Variants in CDK14 observed in about 807,000 individuals in gnomAD.
The protein encoded by CDK14 is cyclin dependent kinase 14.
A neutral mutation model predicts 60.7 loss-of-function variants in CDK14; 34 were observed. That is an observed-to-expected ratio of 0.56 (90% CI 0.43 to 0.75). CDK14 has a LOEUF of 0.75. Among genes scored for constraint, CDK14 ranks in the 30% least tolerant of loss-of-function variants. The pLI is 0.00. For synonymous variants in CDK14, 197 were observed against 203.7 expected, an observed-to-expected ratio of 0.97 and a Z score of 0.28; for missense variants, 482 against 564.1, an observed-to-expected ratio of 0.85 and a Z score of 1.47.
In CDK14 at chr7:91,138,636, G is replaced by A. The variant is rs572439377; in HGVS notation, c.*28+20428G>A. 2.6e-5 allele frequency among the ~76,000 whole-genome samples: 4 copies of A among 152,056 alleles called. No homozygotes were observed. In the East Asian group the frequency reaches 5.8e-4, roughly 22 times the overall value. On this transcript the variant is annotated intron_variant, in intron 14 of 14. Coordinates refer to ENST00000380050, the MANE Select transcript of CDK14 (RefSeq NM_001287135.2). ...ATTTTTATTATTGTTCTTTTAAGTG[G>A]GGTAGAATTTTTTTATGTTGGTGAT...
chr7:91,102,629 A>C (rs1293006301), intron 12 of CDK14, among the ~76,000 whole-genome samples: 1 of 150,834 alleles, frequency 6.6e-6, no homozygotes, highest in Non-Finnish European at 1.5e-5. Context: ...AAAAAAAAAA[A>C]CCCTAAATCA....
At chr7:90,701,410 A>G (rs1366388167) in intron 2 of CDK14, among the ~76,000 whole-genome samples, 1 of 152,208 alleles carries the variant, frequency 6.6e-6, no homozygotes, top group Non-Finnish European at 1.5e-5. Flanking sequence ...TCTATAAATT[A>G]TAAGAATAAA....
chr7:90,756,554 A>T (rs1198699988), intron 4 of CDK14, among the ~76,000 whole-genome samples: 1 of 152,128 alleles, frequency 6.6e-6, no homozygotes, highest in Non-Finnish European at 1.5e-5. Context: ...CCAGGTGGAG[A>T]GGAAAGCCAT....
intron 2 of CDK14, among the ~76,000 whole-genome samples, chr7:90,717,522 G>C (rs1483302189): frequency 6.6e-6 from 1 of 152,024 alleles, no homozygotes; most frequent in Non-Finnish European, 1.5e-5. Context: ...CACTAGCTGA[G>C]GAATTCAGGA....
intron 8 of CDK14, among the ~76,000 whole-genome samples, chr7:90,952,587 AC>A (rs1794295515): frequency 6.6e-6 from 1 of 152,148 alleles, no homozygotes; most frequent in Non-Finnish European, 1.5e-5. Context: ...TCGGAATTGT[AC>A]CCCTTCATGA....
At chr7:90,717,548 G>A (rs1018575762) in intron 2 of CDK14, among the ~76,000 whole-genome samples, 19 of 152,034 alleles carry the variant, frequency 1.2e-4, no homozygotes, top group Non-Finnish European at 2.4e-4. Flanking sequence ...GTGAAATTGG[G>A]TCAGATGCCA....
chr7:90,644,398 A>T (rs1382448697), intron 2 of CDK14, among the ~76,000 whole-genome samples: 2 of 152,178 alleles, frequency 1.3e-5, no homozygotes, highest in African/African-American at 2.4e-5. Context: ...CGTTTTCCTG[A>T]TGGGTAATCT....
intron 10 of CDK14, among the ~76,000 whole-genome samples, chr7:91,036,574 TCCTC>T (rs577396330): frequency 1.0e-3 from 157 of 152,230 alleles, no homozygotes; most frequent in Non-Finnish European, 2.0e-3. Flanking sequence ...CAAGCCCTCT[TCCTC>T]CTCCTCAGCC....
chr7:90,940,801 ATATC>A (rs1793903013), intron 8 of CDK14, among the ~76,000 whole-genome samples: 1 of 152,050 alleles, frequency 6.6e-6, no homozygotes, highest in Non-Finnish European at 1.5e-5. Flanking sequence ...AAAAAAGTGT[ATATC>A]TATCTATATC....
intron 2 of CDK14, among the ~76,000 whole-genome samples, chr7:90,697,166 G>A (rs1343357433): frequency 6.6e-6 from 1 of 152,188 alleles, no homozygotes; most frequent in East Asian, 1.9e-4. Flanking sequence ...GCAGCTGAGA[G>A]CGGTTCAGAA....
chr7:91,133,383 G>A (rs904434839), intron 14 of CDK14, among the ~76,000 whole-genome samples: 1 of 151,928 alleles, frequency 6.6e-6, no homozygotes, highest in African/African-American at 2.4e-5. Context: ...AATTTTCAGG[G>A]ATAATTATGA....
intron 8 of CDK14, among the ~76,000 whole-genome samples, chr7:90,949,386 G>A (rs1317867120): frequency 6.6e-6 from 1 of 151,968 alleles, no homozygotes; most frequent in Non-Finnish European, 1.5e-5. Flanking sequence ...ATTTTTAGTA[G>A]AGATGGGGTT....
chr7:90,692,387 A>G (rs759888646), intron 2 of CDK14, among the ~76,000 whole-genome samples: 63 of 152,294 alleles, frequency 4.1e-4, no homozygotes, highest in Non-Finnish European at 7.8e-4. Context: ...CAGTTGCCCA[A>G]ATATTTTTGA....
At chr7:91,133,300 A>G (rs1445606476) in intron 14 of CDK14, among the ~76,000 whole-genome samples, 1 of 152,130 alleles carries the variant, frequency 6.6e-6, no homozygotes, top group Admixed American at 6.6e-5. Flanking sequence ...ACTCAAATAC[A>G]CTGTGAAGTA....
intron 2 of CDK14, among the ~76,000 whole-genome samples, chr7:90,656,467 C>T (rs1348333519): frequency 2.0e-5 from 3 of 151,332 alleles, no homozygotes; most frequent in East Asian, 3.9e-4. Context: ...GCAACCTTTG[C>T]CTCACAGGTT....
chr7:90,956,804 C>T (rs193065860), intron 9 of CDK14, among the ~76,000 whole-genome samples: 43 of 149,752 alleles, frequency 2.9e-4, no homozygotes, highest in Admixed American at 8.0e-4. Flanking sequence ...GTGATGTTCC[C>T]CTTCCTGCAT....
intron 2 of CDK14, among the ~76,000 whole-genome samples, chr7:90,680,123 C>T (rs1207087183): frequency 6.6e-6 from 1 of 151,734 alleles, no homozygotes; most frequent in Non-Finnish European, 1.5e-5. Flanking sequence ...CCCTGTAAAA[C>T]CTTTATGGTA....
chr7:90,907,228 C>T (rs1792736911), intron 7 of CDK14, among the ~76,000 whole-genome samples: 1 of 151,944 alleles, frequency 6.6e-6, no homozygotes, highest in Admixed American at 6.6e-5. Context: ...GAATTCCCCA[C>T]TCCCTTTAAA....
chr7:90,992,613 G>C (rs570284787), intron 10 of CDK14, among the ~76,000 whole-genome samples: 1 of 152,264 alleles, frequency 6.6e-6, no homozygotes, highest in African/African-American at 2.4e-5. Context: ...TCTCTCAGAG[G>C]TGATACTTGT....
Sources: allele counts gnomAD v4.1 joint callset (sites outside exome capture counted in the v4.1 genomes callset), GRCh38; gene constraint gnomAD v4.1.1; transcripts MANE v1.5; gene names NCBI Gene and HGNC (gene_info 2026-07-23, HGNC 2026-07-21).